Variants in TNFRSF10B observed in about 807,000 individuals in gnomAD.
TNFRSF10B encodes tumor necrosis factor receptor superfamily member 10B.
In TNFRSF10B, 35 loss-of-function variants were observed where a neutral mutation model predicts 41.4. The observed-to-expected ratio is 0.85, with a 90% confidence interval of 0.65 to 1.12. The LOEUF is 1.12. TNFRSF10B is among the 50% of genes most tolerant of loss of function. TNFRSF10B has a pLI of 0.00. For missense variants in TNFRSF10B, 584 were observed against 552.7 expected, an observed-to-expected ratio of 1.06 and a Z score of -0.57; for synonymous variants, 230 against 215.5, an observed-to-expected ratio of 1.07 and a Z score of -0.59.
chr8:23,053,412 T>C (rs893697528), intron 1 of TNFRSF10B, among the ~76,000 whole-genome samples: 2 of 152,224 alleles, frequency 1.3e-5, no homozygotes, highest in African/African-American at 2.4e-5. Flanking sequence ...GTAAAAAGAT[T>C]ATAAGGAGGC....
intron 1 of TNFRSF10B, among the ~76,000 whole-genome samples, chr8:23,051,209 T>C (rs1303123589): frequency 6.6e-6 from 1 of 150,396 alleles, no homozygotes; most frequent in East Asian, 1.9e-4. Flanking sequence ...AAAAAAGCAC[T>C]TGAATAACAG....
intron 2 of TNFRSF10B, among the ~76,000 whole-genome samples, chr8:23,039,112 C>A (rs758210889): frequency 1.1e-4 from 17 of 151,774 alleles, no homozygotes; most frequent in African/African-American, 4.1e-4. Context: ...ATAAGGAGTG[C>A]GCAACCTAGA....
chr8:23,034,871 G>A (rs1811986779), intron 2 of TNFRSF10B, among the ~76,000 whole-genome samples: 1 of 152,218 alleles, frequency 6.6e-6, no homozygotes, highest in South Asian at 2.1e-4. Context: ...GATGGATCTT[G>A]GTGAATGACA....
rs1129424 is a variant in TNFRSF10B, at chr8:23,068,800, G to A, written c.95C>T (p.Pro32Leu). Residue 32 changes from proline to leucine, a missense_variant, in exon 1 of 9, where the codon CCC becomes CTC. Coordinates refer to ENST00000276431, the MANE Select transcript of TNFRSF10B (RefSeq NM_003842.5). Reference protein sequence around the residue: ...PREARGARPGPRVPKTLVLVV... With the variant: ...PREARGARPGLRVPKTLVLVV... ...GAGCACAAGGGTCTTGGGGACCCGG[G>A]GCCCAGGCCTGGCTCCCCGCGCCTC... is the stretch of plus-strand genomic sequence containing the variant. 0.63 allele frequency: 1,011,404 copies of A among 1,608,760 alleles called. 322,205 individuals are homozygous for A. Among genetic ancestry groups the A allele is most frequent in the East Asian group, 0.9 (40,269 of 44,782 alleles).
intron 6 of TNFRSF10B, 65 bp from the exon 7 acceptor site, chr8:23,027,353 G>A: frequency 6.3e-7 from 1 of 1,594,656 alleles, no homozygotes; most frequent in Admixed American, 1.7e-5. Flanking sequence ...CTCGCTGCAG[G>A]GTCCTCAGTA....
rs555522591 is a variant in TNFRSF10B at position 23,020,497 on chromosome 8, G to C, written c.*2174C>G. 2 of 452,838 alleles carry C rather than the reference G, an allele frequency of 4.4e-6. No individual in the cohort carries two copies. Among genetic ancestry groups the C allele is most frequent in the South Asian group, 3.1e-5 (2 of 64,452 alleles). The allele number at this position is 452,838 out of a possible 1,614,324, so 28.1% of individuals were successfully genotyped here. A position where few individuals can be genotyped will look rare whatever the true frequency, so the allele number is the denominator to read the frequency against. On this transcript the variant is annotated 3_prime_UTR_variant, in exon 9 of 9. Transcript: ENST00000276431. ...ACCTGAGGTCAGGAGTTCGAGACCA[G>C]CCTGACCAACATGGTGAAACCCCGT...
intron 1 of TNFRSF10B, among the ~76,000 whole-genome samples, chr8:23,055,359 C>A (rs1292812657): frequency 2.0e-5 from 3 of 152,032 alleles, no homozygotes; most frequent in African/African-American, 7.3e-5. Context: ...GATTATGACA[C>A]CCCATCTCCC....
rs529765232 is a variant in TNFRSF10B at position 23,030,779 on chromosome 8, C to G, written c.344G>C (p.Arg115Pro). 5.0e-6 allele frequency: 8 copies of G among 1,612,686 alleles called. No individual in the cohort carries two copies. Among genetic ancestry groups the G allele is most frequent in the Non-Finnish European group, 6.8e-6 (8 of 1,179,394 alleles). Residue 115 changes from arginine (R) to proline (P), a missense_variant, in exon 3 of 9, where the codon CGC becomes CCC. Physicochemically the swap from Arg to Pro is moderately radical, Grantham distance 103 (BLOSUM62 -2). Transcript: ENST00000276431. The part of the protein sequence containing the change: ...THWNDLLFCL[R>P]CTRCDSGEVE... ...TGTACCTGAATCACACCTGGTGCAG[C>G]GCAAGCAGAAAAGGAGGTCATTCCA...
chr8:23,049,674 C>T (rs1354481578), intron 1 of TNFRSF10B: 1 of 152,194 alleles, frequency 6.6e-6, no homozygotes, highest in Non-Finnish European at 1.5e-5. Context: ...TTGAGTTGGT[C>T]TGGTGATAAT....
In TNFRSF10B at chr8:23,054,369, TTTTAACA is replaced by T. The variant is rs1319369052; in HGVS notation, c.145-11133_145-11127del. Among the ~76,000 whole-genome samples, 3 of 152,244 alleles carry T rather than the reference TTTTAACA, an allele frequency of 2.0e-5. No homozygotes were observed. The East Asian group carries it at 5.8e-4, about 29-fold the overall frequency. On this transcript the variant is annotated intron_variant, in intron 1 of 8. Coordinates refer to ENST00000276431, the MANE Select transcript of TNFRSF10B (RefSeq NM_003842.5). ...ACTTTTCTTTTGAGCTATTAACACC[TTTTAACA>T]TTTAAGTACAGTATACTCCTATGAA...
At chr8:23,061,951 A>G (rs1812841921) in intron 1 of TNFRSF10B, among the ~76,000 whole-genome samples, 1 of 152,156 alleles carries the variant, frequency 6.6e-6, no homozygotes, top group Non-Finnish European at 1.5e-5. Context: ...TATTTTGTTG[A>G]AGATTTTTGC....
At chr8:23,042,561 C>T (rs989738418) in intron 2 of TNFRSF10B, among the ~76,000 whole-genome samples, 6 of 152,220 alleles carry the variant, frequency 3.9e-5, no homozygotes, top group Non-Finnish European at 8.8e-5. Context: ...CCACCTGCTT[C>T]CTGTCTTGCT....
chr8:23,055,760 A>G (rs1585224786), intron 1 of TNFRSF10B, among the ~76,000 whole-genome samples: 1 of 152,294 alleles, frequency 6.6e-6, no homozygotes, highest in East Asian at 1.9e-4. Context: ...TCCATGGTTT[A>G]GCAGGGTAAT....
chr8:23,030,946 C>T (rs1811865604), intron 2 of TNFRSF10B, 74 bp from the exon 3 acceptor site: 1 of 1,085,060 alleles, frequency 9.2e-7, no homozygotes, highest in Non-Finnish European at 1.4e-6. Context: ...GGCTGGGGGA[C>T]TCCTCTTTCA....
intron 1 of TNFRSF10B, among the ~76,000 whole-genome samples, chr8:23,056,231 G>A (rs1167088289): frequency 6.6e-6 from 1 of 152,160 alleles, no homozygotes; most frequent in African/African-American, 2.4e-5. Context: ...TGTCCTTATA[G>A]AGTCATCAGC....
rs771056793 is a variant in TNFRSF10B at position 23,043,178 on chromosome 8, T to C, written c.210A>G (p.Gln70=). 1.4e-5 allele frequency: 22 copies of C among 1,614,032 alleles called. No homozygotes were observed. Among genetic ancestry groups the C allele is most frequent in the Admixed American group, 1.2e-4 (7 of 60,014 alleles). Residue 70 remains glutamine, a synonymous_variant, in exon 2 of 9, where the codon CAA becomes CAG. Coordinates refer to ENST00000276431, the MANE Select transcript of TNFRSF10B (RefSeq NM_003842.5). ...CCTCTGAGGGGCTGGACCTCTTTTG[T>C]TGTGGGGCCGCTCTCTGCTGGGGAG... ...DLAPQQRAAP[Q]QKRSSPSEGL...
At chr8:23,068,504 T>TC in intron 1 of TNFRSF10B, 1 of 577,406 alleles carries the variant, frequency 1.7e-6, no homozygotes, top group East Asian at 3.0e-5. Context: ...CTTGTCGCCC[T>TC]CCCCCACTGG....
At chr8:23,038,505 T>C (rs1812085345) in intron 2 of TNFRSF10B, among the ~76,000 whole-genome samples, 1 of 152,248 alleles carries the variant, frequency 6.6e-6, no homozygotes, top group Non-Finnish European at 1.5e-5. Context: ...GTTAAGCGAA[T>C]ATCTGTGTTT....
chr8:23,037,288 G>A (rs1157973187), intron 2 of TNFRSF10B, among the ~76,000 whole-genome samples: 2 of 152,100 alleles, frequency 1.3e-5, no homozygotes, highest in Non-Finnish European at 2.9e-5. Flanking sequence ...CCTCACCAAG[G>A]CCAACCTGGC....
Sources: gnomAD v4.1 joint callset for allele counts (sites outside exome capture counted in the v4.1 genomes callset) on GRCh38, gnomAD v4.1.1 for gene constraint, MANE v1.5 for transcripts, NCBI Gene and HGNC (gene_info 2026-07-23, HGNC 2026-07-21) for gene names.